Variants in CYP3A43 observed in about 807,000 individuals in gnomAD.
CYP3A43 encodes cytochrome P450 family 3 subfamily A member 43, also known as cytochrome P450 3A43.
A neutral mutation model predicts 58.0 loss-of-function variants in CYP3A43; 45 were observed. The ratio of observed to expected loss-of-function variants is 0.78; its 90% CI spans 0.61 to 0.99. The LOEUF is 0.99. CYP3A43 is among the 50% of genes least tolerant of loss of function. The pLI, the probability that CYP3A43 is intolerant of heterozygous loss-of-function variation, is 0.00. For synonymous variants in CYP3A43, 191 were observed against 201.4 expected (o/e 0.95, Z 0.44); for missense variants, 593 against 591.9 (o/e 1.00, Z -0.02).
intron 11 of CYP3A43, among the ~76,000 whole-genome samples, chr7:99,862,385 ATCC>A (rs1260940457): frequency 3.9e-5 from 6 of 152,192 alleles, no homozygotes; most frequent in Admixed American, 3.9e-4. Context: ...ATCCTGAGAC[ATCC>A]TCATCCCTGA....
intron 4 of CYP3A43, among the ~76,000 whole-genome samples, chr7:99,846,625 T>C (rs376583899): frequency 1.3e-5 from 2 of 152,340 alleles, no homozygotes; most frequent in African/African-American, 4.8e-5. Context: ...TGAATAAGAA[T>C]GGTGAGAGTG....
At chr7:99,836,608 T>A (rs1487689748) in intron 2 of CYP3A43, 62 bp downstream of exon 2, 9 of 1,237,548 alleles carry the variant, frequency 7.3e-6, no homozygotes, top group Non-Finnish European at 1.0e-5. Context: ...CTTAGTCCTA[T>A]CAGTAAAAAT....
chr7:99,856,793 AG>A (rs1563070543), intron 8 of CYP3A43, 39 bp from the exon 9 acceptor site: 1 of 1,611,508 alleles, frequency 6.2e-7, no homozygotes, highest in Admixed American at 1.7e-5. Flanking sequence ...TGACTTCACA[AG>A]TGACTTTCTG....
chr7:99,828,214 C>G, intron 1 of CYP3A43, 28 bp downstream of exon 1: 1 of 1,547,732 alleles, frequency 6.5e-7, no homozygotes, highest in East Asian at 2.3e-5. Flanking sequence ...CATGTTTGCT[C>G]TTAACTCTAA....
intron 2 of CYP3A43, among the ~76,000 whole-genome samples, chr7:99,837,917 G>A (rs45480398): frequency 0.014 from 2,097 of 152,244 alleles, 40 homozygotes; most frequent in African/African-American, 0.041. Flanking sequence ...CAGACCTGAG[G>A]CTTGTTTTTC....
chr7:99,836,679 C>T, intron 2 of CYP3A43, 133 bp downstream of exon 2: 2 of 660,798 alleles, frequency 3.0e-6, no homozygotes, highest in South Asian at 4.5e-5. Context: ...GTATGCTCCA[C>T]CCAGAGCAGG....
chr7:99,857,258 G>A (rs1046824312), intron 9 of CYP3A43, among the ~76,000 whole-genome samples: 1 of 152,134 alleles, frequency 6.6e-6, no homozygotes, highest in Non-Finnish European at 1.5e-5. Flanking sequence ...TCCAAATAAG[G>A]GTGATTTTAA....
intron 8 of CYP3A43, 142 bp from the exon 9 acceptor site, chr7:99,856,691 T>C (rs922696737): frequency 9.2e-6 from 7 of 764,542 alleles, no homozygotes; most frequent in Non-Finnish European, 1.5e-5. Flanking sequence ...ATTCTAAACA[T>C]TGGTGACTCA....
In CYP3A43 at chr7:99,855,554, G is replaced by A. The variant is rs377111220; in HGVS notation, c.671-37G>A. ...AGGTAAATTTCACATTTTTCACTATGATTTATTTTTTCTTTTTCTATTTAA... is the reference window on the plus strand; with the variant it reads ...AGGTAAATTTCACATTTTTCACTATAATTTATTTTTTCTTTTTCTATTTAA... On this transcript the variant is annotated intron_variant, in intron 7 of 12. Transcript: ENST00000354829. 1.5e-5 allele frequency: 23 copies of A among 1,573,308 alleles called. No homozygotes were observed. The African/African-American group carries it at 2.7e-4, about 19-fold the overall frequency.
In CYP3A43 at chr7:99,861,034, C is replaced by T. The variant is rs1038880247; in HGVS notation, c.1027-579C>T. 5.3e-5 allele frequency among the ~76,000 whole-genome samples: 8 copies of T among 151,896 alleles called. 1 individual carries two copies. The highest frequency in any genetic ancestry group is 6.3e-3 in the Middle Eastern group (2 of 316). ...GATTACAGGCGTGCGCTACTATGCC[C>T]GGCTAATTTTTATAGTTTTAGTAGA... On this transcript the variant is annotated intron_variant, in intron 10 of 12. Transcript: ENST00000354829.
At chr7:99,854,196 C>G (rs1019038916) in intron 7 of CYP3A43, among the ~76,000 whole-genome samples, 1 of 151,786 alleles carries the variant, frequency 6.6e-6, no homozygotes, top group African/African-American at 2.4e-5. Context: ...CATCCTTCTA[C>G]TCTCTATGTC....
chr7:99,855,528 T>G, intron 7 of CYP3A43, 63 bp from the exon 8 acceptor site: 1 of 1,536,398 alleles, frequency 6.5e-7, no homozygotes, highest in African/African-American at 1.4e-5. Flanking sequence ...GTAATTGTTG[T>G]AGGTAAATTT....
At chr7:99,839,592 G>A (rs537462268) in intron 3 of CYP3A43, among the ~76,000 whole-genome samples, 64 of 152,274 alleles carry the variant, frequency 4.2e-4, no homozygotes, top group South Asian at 2.7e-3. Context: ...GGTAATACCC[G>A]AGGTTTGTTG....
chr7:99,855,490 A>G, intron 7 of CYP3A43, 101 bp from the exon 8 acceptor site: 1 of 1,388,844 alleles, frequency 7.2e-7, no homozygotes, highest in Non-Finnish European at 9.6e-7. Context: ...CTGGTTGAGA[A>G]CCCTGAAGTC....
At position 99,836,454 on chromosome 7, in the gene CYP3A43, T is replaced by C; in HGVS notation, c.73T>C (p.Tyr25His). The C allele has an allele frequency of 6.2e-7, 1 of 1,612,502 alleles. No homozygotes were observed. Among genetic ancestry groups the C allele is most frequent in the Non-Finnish European group, 8.5e-7 (1 of 1,179,092 alleles). The change falls in exon 2 of 13, where the codon TAT becomes CAT. Residue 25 changes from tyrosine to histidine, a missense_variant and splice_region_variant. Physicochemically the swap from Tyr to His is moderately conservative, Grantham distance 83 (BLOSUM62 2). Transcript: ENST00000354829. Reference sequence around the variant, plus strand: ...CTGGCTTTCTCTTTTATTTTATAGTTATGGGACCCATTCACATAAACTTTT... The same window carrying C: ...CTGGCTTTCTCTTTTATTTTATAGTCATGGGACCCATTCACATAAACTTTT... The part of the protein sequence containing the change: ...VATSLVLLYI[Y>H]GTHSHKLFKK...
chr7:99,835,231 C>T (rs1285996625), intron 1 of CYP3A43, among the ~76,000 whole-genome samples: 4 of 152,166 alleles, frequency 2.6e-5, no homozygotes, highest in South Asian at 4.1e-4. Context: ...CTTTGTCTTA[C>T]GATCTGGTTT....
At chr7:99,848,127 G>C in intron 5 of CYP3A43, 39 bp from the exon 6 acceptor site, 1 of 1,598,708 alleles carries the variant, frequency 6.3e-7, no homozygotes. Flanking sequence ...TCTGAGACTC[G>C]AGTCTGCGTA....
intron 9 of CYP3A43, among the ~76,000 whole-genome samples, chr7:99,859,133 A>C (rs1320216612): frequency 6.6e-6 from 1 of 152,170 alleles, no homozygotes; most frequent in Non-Finnish European, 1.5e-5. Context: ...GATGTCACTC[A>C]AAGATGTAAT....
chr7:99,841,917 G>A (rs1025100862), intron 3 of CYP3A43, among the ~76,000 whole-genome samples: 5 of 152,082 alleles, frequency 3.3e-5, no homozygotes, highest in Non-Finnish European at 5.9e-5. Flanking sequence ...CTACCTACGA[G>A]GTTTTCTTTG....
Sources: allele counts gnomAD v4.1 joint callset (sites outside exome capture counted in the v4.1 genomes callset), GRCh38; gene constraint gnomAD v4.1.1; transcripts MANE v1.5; gene names NCBI Gene and HGNC (gene_info 2026-07-23, HGNC 2026-07-21).